Variants in PTGFR observed in about 807,000 individuals in gnomAD.
The protein encoded by PTGFR is prostaglandin F2-alpha receptor.
A neutral mutation model predicts 26.2 loss-of-function variants in PTGFR; 15 were observed. That is an observed-to-expected ratio of 0.57 (90% confidence interval 0.38 to 0.88). The LOEUF is 0.88. PTGFR is among the 40% of genes least tolerant of loss of function. PTGFR has a pLI of 0.00. For synonymous variants in PTGFR, 165 were observed against 151.1 expected (o/e 1.09, Z -0.68); for missense variants, 369 against 427.2 (o/e 0.86, Z 1.20).
Position 78,536,811 on chromosome 1 carries a change from T to C in PTGFR, c.*124T>C. ...CAGGCTTCATCATGTAGTTTGAAGA[T>C]ACTATTGTCAGATTCAGGTTTTGAA... On this transcript the variant is annotated 3_prime_UTR_variant, in exon 3 of 3. Coordinates refer to ENST00000370757, the MANE Select transcript of PTGFR (RefSeq NM_000959.4). The C allele has an allele frequency of 9.3e-7, 1 of 1,077,252 alleles. No individual in the cohort carries two copies. The highest frequency in any genetic ancestry group is 1.3e-6 in the Non-Finnish European group (1 of 780,928). The allele number at this position is 1,077,252 out of a possible 1,614,324, so 66.7% of individuals were successfully genotyped here. A position where few individuals can be genotyped will look rare whatever the true frequency, so the allele number is the denominator to read the frequency against.
intron 1 of PTGFR, 81 bp from the exon 2 acceptor site, chr1:78,492,591 C>A: frequency 1.4e-6 from 1 of 724,192 alleles, no homozygotes. Context: ...CATCCCACCA[C>A]CGGGTGCTGG....
chr1:78,532,080 C>T (rs1428024963), intron 2 of PTGFR: 2 of 306,896 alleles, frequency 6.5e-6, no homozygotes, highest in East Asian at 2.9e-4. Context: ...GAGGGAAGGG[C>T]AGGGAACATG....
intron 2 of PTGFR, among the ~76,000 whole-genome samples, chr1:78,512,407 G>T (rs1417853918): frequency 6.6e-6 from 1 of 152,140 alleles, no homozygotes; most frequent in African/African-American, 2.4e-5. Flanking sequence ...TGTCTGGGGA[G>T]GCCTCAGAGA....
At chr1:78,528,051 C>T (rs1179379749) in intron 2 of PTGFR, among the ~76,000 whole-genome samples, 2 of 151,808 alleles carry the variant, frequency 1.3e-5, no homozygotes, top group African/African-American at 4.8e-5. Flanking sequence ...GTAGAGGAGA[C>T]AGATTGGCAC....
rs1650722061 is a variant in PTGFR, at chr1:78,538,784, A to G, written c.*2097A>G. ...GTTTCTGGAAATAAATAGTAAAATA[A>G]ATGGCACAAATAGTTTCAATAAATT... On this transcript the variant is annotated 3_prime_UTR_variant, in exon 3 of 3. Transcript: ENST00000370757. 1 of 152,114 alleles carries G rather than the reference A, an allele frequency of 6.6e-6. No individual in the cohort carries two copies. The highest frequency in any genetic ancestry group is 2.4e-5 in the African/African-American group (1 of 41,444). 9.4% of individuals were successfully genotyped at this position (152,114 alleles called of 1,614,324 possible). A position where few individuals can be genotyped will look rare whatever the true frequency, so the allele number is the denominator to read the frequency against.
chr1:78,506,632 T>A (rs1649833809), intron 2 of PTGFR, among the ~76,000 whole-genome samples: 2 of 152,048 alleles, frequency 1.3e-5, no homozygotes, highest in South Asian at 4.1e-4. Context: ...TCAGTAAAAA[T>A]TTGCTACTAA....
At chr1:78,496,034 A>G (rs1335660093) in intron 2 of PTGFR, among the ~76,000 whole-genome samples, 1 of 152,150 alleles carries the variant, frequency 6.6e-6, no homozygotes, top group Non-Finnish European at 1.5e-5. Flanking sequence ...ATGGGCTGAT[A>G]TTTTGAGTTG....
chr1:78,515,507 T>C (rs948218950), intron 2 of PTGFR, among the ~76,000 whole-genome samples: 9 of 152,346 alleles, frequency 5.9e-5, no homozygotes, highest in East Asian at 1.9e-4. Flanking sequence ...GTCAAATGTA[T>C]ATGTGGCTGG....
intron 2 of PTGFR, among the ~76,000 whole-genome samples, chr1:78,533,968 C>T (rs1251078760): frequency 1.3e-5 from 2 of 152,078 alleles, no homozygotes; most frequent in Non-Finnish European, 2.9e-5. Context: ...GCTTCTTTGA[C>T]CTCATTCTTT....
chr1:78,513,065 C>G (rs1570282445), intron 2 of PTGFR, among the ~76,000 whole-genome samples: 1 of 152,196 alleles, frequency 6.6e-6, no homozygotes, highest in Non-Finnish European at 1.5e-5. Flanking sequence ...TTCCCAGGCT[C>G]AGCTATTTTT....
chr1:78,532,256 A>T (rs1049880428), intron 2 of PTGFR: 1 of 397,514 alleles, frequency 2.5e-6, no homozygotes, highest in Non-Finnish European at 5.0e-6. Flanking sequence ...CAAGGTGTGG[A>T]TGGAGAGGCA....
intron 2 of PTGFR, among the ~76,000 whole-genome samples, chr1:78,522,212 C>A (rs1356285889): frequency 6.6e-6 from 1 of 151,968 alleles, no homozygotes; most frequent in Non-Finnish European, 1.5e-5. Context: ...ATGCACAAAC[C>A]AGAAAATGTG....
chr1:78,511,286 T>A (rs143479502), intron 2 of PTGFR, among the ~76,000 whole-genome samples: 9 of 152,354 alleles, frequency 5.9e-5, no homozygotes, highest in Non-Finnish European at 1.2e-4. Context: ...TGCAGCAGTC[T>A]TCTGCCTGGG....
At chr1:78,511,673 C>T (rs1410756993) in intron 2 of PTGFR, among the ~76,000 whole-genome samples, 2 of 152,238 alleles carry the variant, frequency 1.3e-5, no homozygotes, top group Non-Finnish European at 2.9e-5. Context: ...CCCTTTTAGT[C>T]ATGCAAATCT....
At position 78,536,662 on chromosome 1, in the gene PTGFR, T is replaced by C; in HGVS notation, c.1055T>C (p.Val352Ala). 6.2e-7 allele frequency: 1 copy of C among 1,612,590 alleles called. No homozygotes were observed. Among genetic ancestry groups the C allele is most frequent in the Non-Finnish European group, 8.5e-7 (1 of 1,179,310 alleles). ...GTTGCTGCTATTTCTGAGTCACCAGTTGCAGAGAAATCAGCAAGCACCTAG... is the reference window on the plus strand; with the variant it reads ...GTTGCTGCTATTTCTGAGTCACCAGCTGCAGAGAAATCAGCAAGCACCTAG... ...LKVAAISESP[V>A]AEKSAST The change falls in exon 3 of 3, where the codon GTT (valine) becomes GCT (alanine). Residue 352 changes from valine (V) to alanine (A), a missense_variant. Transcript: ENST00000370757.
chr1:78,532,279 A>G (rs1344879318), intron 2 of PTGFR: 2 of 368,568 alleles, frequency 5.4e-6, no homozygotes, highest in Non-Finnish European at 1.1e-5. Context: ...ATGAAAGTGG[A>G]TCAAACAACT....
intron 2 of PTGFR, among the ~76,000 whole-genome samples, chr1:78,513,883 C>T (rs759805469): frequency 6.6e-6 from 1 of 152,232 alleles, no homozygotes; most frequent in Non-Finnish European, 1.5e-5. Flanking sequence ...TTGGCCACTG[C>T]CAAGTGTGTA....
chr1:78,500,336 C>A (rs771526452), intron 2 of PTGFR, among the ~76,000 whole-genome samples: 50 of 152,182 alleles, frequency 3.3e-4, no homozygotes, highest in Non-Finnish European at 6.6e-4. Context: ...ATCCGACAGA[C>A]CTTTTTAGTG....
At chr1:78,493,654 T>C (rs1649473071) in intron 2 of PTGFR, 113 bp downstream of exon 2, 3 of 1,038,164 alleles carry the variant, frequency 2.9e-6, no homozygotes, top group South Asian at 2.0e-5. Flanking sequence ...TCAAAATTTA[T>C]TTCAGCACTC....
Sources: allele counts gnomAD v4.1 joint callset (sites outside exome capture counted in the v4.1 genomes callset), GRCh38; gene constraint gnomAD v4.1.1; transcripts MANE v1.5; gene names NCBI Gene and HGNC (gene_info 2026-07-23, HGNC 2026-07-21).